The following YBX3 variants were observed in gnomAD, a reference collection of about 807,000 sequenced individuals.
The protein encoded by YBX3 is Y-box binding protein 3.
In YBX3, 29 loss-of-function variants were observed where a neutral mutation model predicts 42.4. The observed-to-expected ratio is 0.68, with a 90% CI of 0.51 to 0.93. The LOEUF is 0.93. Ranked by LOEUF, YBX3 falls within the 40% of genes least tolerant of loss-of-function variation. The pLI is 0.00. For synonymous variants in YBX3, 195 were observed against 189.8 expected (o/e 1.03, Z -0.22); for missense variants, 517 against 527.5 (o/e 0.98, Z 0.19).
At chr12:10,705,618 A>T (rs1036528168) in intron 6 of YBX3, among the ~76,000 whole-genome samples, 1 of 152,192 alleles carries the variant, frequency 6.6e-6, no homozygotes, top group Admixed American at 6.5e-5. Flanking sequence ...TTAAGGTGGT[A>T]TCTGCCACCA....
intron 2 of YBX3, 149 bp downstream of exon 2, chr12:10,718,931 C>G (rs935963496): frequency 1.6e-4 from 103 of 643,684 alleles, no homozygotes; most frequent in Non-Finnish European, 2.5e-4. Flanking sequence ...TAATATTTAA[C>G]AACCAGTAGC....
At chr12:10,710,228 T>C in intron 5 of YBX3, 114 bp from the exon 6 acceptor site, 1 of 1,532,724 alleles carries the variant, frequency 6.5e-7, no homozygotes, top group Non-Finnish European at 8.7e-7. Context: ...AATATAATCC[T>C]TTCCATTATA....
At chr12:10,715,670 T>TCTC in intron 4 of YBX3, 24 bp downstream of exon 4, 1 of 1,600,674 alleles carries the variant, frequency 6.2e-7, no homozygotes, top group Non-Finnish European at 8.6e-7. Flanking sequence ...AGCACTTTGA[T>TCTC]ACCCAACCAC....
chr12:10,707,911 G>C (rs1196424812), intron 6 of YBX3, among the ~76,000 whole-genome samples: 1 of 152,214 alleles, frequency 6.6e-6, no homozygotes, highest in African/African-American at 2.4e-5. Context: ...GAGTCTGCCA[G>C]AAAGACTGGA....
chr12:10,704,073 T>G lies in YBX3; in HGVS notation c.856A>C (p.Thr286Pro), dbSNP rs114117963. The G allele has an allele frequency of 4.0e-5, 65 of 1,614,032 alleles. No homozygotes were observed. The highest frequency in any genetic ancestry group is 4.0e-4 in the Admixed American group (24 of 59,990). ...TACCTACGGTACCTTGGGCGGTAAG[T>G]TGGATTTCGATGAACCGGTCCCTGA... Reference protein sequence around the residue: ...QLQGPVHRNPTYRPRYRSRGP... With the variant: ...QLQGPVHRNPPYRPRYRSRGP... Residue 286 changes from threonine (T) to proline (P), a missense_variant, in exon 7 of 10, where the codon ACT (threonine) becomes CCT (proline). Thr to Pro is a conservative substitution (Grantham distance 38, BLOSUM62 -1). Transcript: ENST00000228251.
Position 10,709,892 on chromosome 12 carries a change from T to C in YBX3, c.780+16A>G, listed in dbSNP as rs755949009. On this transcript the variant is annotated intron_variant, in intron 6 of 9. Coordinates refer to ENST00000228251, the MANE Select transcript of YBX3 (RefSeq NM_003651.5). ...GGGTGAGGATTGCTGAAGAGAAGTC[T>C]CAGTTGCAATTTTACCTGTATTCTG... is the stretch of plus-strand genomic sequence containing the variant. 2 of 1,613,512 alleles carry C rather than the reference T, an allele frequency of 1.2e-6. No individual in the cohort carries two copies. The highest frequency in any genetic ancestry group is 1.7e-6 in the Non-Finnish European group (2 of 1,179,948).
chr12:10,701,387 AG>A (rs1237086170), intron 8 of YBX3, 34 bp from the exon 9 acceptor site: 1 of 780,532 alleles, frequency 1.3e-6, no homozygotes, highest in South Asian at 1.3e-5. Flanking sequence ...AATCAGATAA[AG>A]TCAGATGACA....
intron 6 of YBX3, 87 bp from the exon 7 acceptor site, chr12:10,704,235 GAAGT>G (rs756216936): frequency 8.8e-6 from 10 of 1,141,402 alleles, no homozygotes; most frequent in Non-Finnish European, 1.3e-5. Context: ...ATTTTTTTTA[GAAGT>G]AAAAAACAAA....
intron 7 of YBX3, chr12:10,703,455 A>G (rs1023976533): frequency 3.3e-5 from 8 of 241,888 alleles, no homozygotes; most frequent in African/African-American, 1.9e-4. Flanking sequence ...GGTGGTAATA[A>G]TATCTAATAC....
At chr12:10,712,906 G>A (rs372262201) in intron 5 of YBX3, 5 of 250,030 alleles carry the variant, frequency 2.0e-5, no homozygotes, top group South Asian at 2.6e-4. Context: ...AGTTCTGAGC[G>A]CTAAAATTTC....
chr12:10,710,590 T>C, intron 5 of YBX3: 1 of 1,259,966 alleles, frequency 7.9e-7, no homozygotes, highest in Non-Finnish European at 1.0e-6. Flanking sequence ...ATGGGATTTC[T>C]GAAAACTTCC....
intron 1 of YBX3, among the ~76,000 whole-genome samples, 190 bp downstream of exon 1, chr12:10,722,660 A>G (rs868830875): frequency 2.6e-5 from 4 of 152,274 alleles, no homozygotes; most frequent in South Asian, 4.1e-4. Context: ...CTCACCTGGG[A>G]GCGCCGGCAA....
intron 5 of YBX3, chr12:10,710,530 C>G: frequency 8.5e-7 from 1 of 1,178,394 alleles, no homozygotes; most frequent in Non-Finnish European, 1.1e-6. Context: ...ATGATGTTAC[C>G]AACATATTTG....
At chr12:10,716,347 C>A (rs748738302) in intron 3 of YBX3, among the ~76,000 whole-genome samples, 3 of 152,188 alleles carry the variant, frequency 2.0e-5, no homozygotes, top group African/African-American at 7.2e-5. Context: ...GTAACAGCCC[C>A]AGGGATGATG....
intron 5 of YBX3, chr12:10,710,573 A>C (rs1328093005): frequency 5.7e-6 from 7 of 1,233,752 alleles, no homozygotes; most frequent in Non-Finnish European, 6.2e-6. Flanking sequence ...AAGTCTGTAA[A>C]GTGTGGATGG....
At chr12:10,702,377 C>T (rs1404798234) in intron 7 of YBX3, 8 of 237,960 alleles carry the variant, frequency 3.4e-5, no homozygotes, top group South Asian at 1.0e-4. Flanking sequence ...AAAAATTAGC[C>T]GGGCGTGGTG....
chr12:10,720,506 CTGAT>C (rs35204585), intron 1 of YBX3, among the ~76,000 whole-genome samples: 12,355 of 152,130 alleles, frequency 0.081, 852 homozygotes, highest in East Asian at 0.34. Flanking sequence ...TGAGGCCACT[CTGAT>C]TGGAGCAGCA....
chr12:10,713,100 A>C (rs534093835), intron 5 of YBX3, 111 bp downstream of exon 5: 2 of 1,273,264 alleles, frequency 1.6e-6, no homozygotes, highest in African/African-American at 1.5e-5. Flanking sequence ...AAATCACTTA[A>C]ATCATTTGTC....
At chr12:10,716,393 C>T (rs899500293) in intron 3 of YBX3, among the ~76,000 whole-genome samples, 2 of 152,162 alleles carry the variant, frequency 1.3e-5, no homozygotes, top group African/African-American at 4.8e-5. Flanking sequence ...TATCCCTGTA[C>T]TCTACCTATA....
Sources: gnomAD v4.1 joint callset for allele counts (sites outside exome capture counted in the v4.1 genomes callset) on GRCh38, gnomAD v4.1.1 for gene constraint, MANE v1.5 for transcripts, NCBI Gene and HGNC (gene_info 2026-07-23, HGNC 2026-07-21) for gene names.